The following SLC22A16 variants were observed in gnomAD, a reference collection of about 807,000 sequenced individuals.
The protein encoded by SLC22A16 is solute carrier family 22 member 16, also known as WUGSC:RG331P03.1.
SLC22A16 carries 53 observed loss-of-function variants against 52.9 expected under a neutral mutation model. That is an observed-to-expected ratio of 1.00 (90% CI 0.80 to 1.26). SLC22A16 has a LOEUF of 1.26. Ranked by LOEUF, SLC22A16 falls within the 50% of genes most tolerant of loss-of-function variation. The pLI is 0.00. For missense variants in SLC22A16, 726 were observed against 704.0 expected, an observed-to-expected ratio of 1.03 and a Z score of -0.35; for synonymous variants, 291 against 268.8, an observed-to-expected ratio of 1.08 and a Z score of -0.81.
intron 1 of SLC22A16, 175 bp downstream of exon 1, chr6:110,476,347 G>T: frequency 7.2e-7 from 1 of 1,385,412 alleles, no homozygotes; most frequent in Non-Finnish European, 9.3e-7. Context: ...AGGCCTAGAG[G>T]AGAAGCCCAG....
At chr6:110,426,949 T>A (rs553341699) in intron 7 of SLC22A16, among the ~76,000 whole-genome samples, 35 of 148,974 alleles carry the variant, frequency 2.3e-4, no homozygotes, top group Non-Finnish European at 4.4e-4. Flanking sequence ...AAACTCCGTC[T>A]TAAAAAAAAA....
Position 110,426,524 on chromosome 6 carries a change from C to T in SLC22A16, c.1522-1439G>A, listed in dbSNP as rs551696064. On this transcript the variant is annotated intron_variant, in intron 7 of 7. Transcript: ENST00000368919. ...CTCCTGGAGGGAGGCCAGGCGGATC[C>T]TTTCACACTCTCCAGACCCCACTGC... Among the ~76,000 whole-genome samples the T allele has an allele frequency of 6.6e-5, 10 of 152,204 alleles. No individual in the cohort carries two copies. The South Asian group carries it at 1.9e-3, about 28-fold the overall frequency.
chr6:110,475,666 A>C (rs888416670), intron 1 of SLC22A16, among the ~76,000 whole-genome samples: 15 of 152,176 alleles, frequency 9.9e-5, no homozygotes, highest in African/African-American at 3.4e-4. Flanking sequence ...ATCAGAGGTA[A>C]GTAGCAGGCC....
At chr6:110,435,273 G>T (rs1168229089) in intron 6 of SLC22A16, among the ~76,000 whole-genome samples, 1 of 152,162 alleles carries the variant, frequency 6.6e-6, no homozygotes, top group African/African-American at 2.4e-5. Flanking sequence ...CTGTTAGGGT[G>T]AGGCCGTAAT....
At position 110,435,392 on chromosome 6, in the gene SLC22A16, G is replaced by C. The variant is rs73764913; in HGVS notation, c.1421+460C>G. 2.6e-5 allele frequency among the ~76,000 whole-genome samples: 4 copies of C among 152,132 alleles called. 1 individual carries two copies. The highest frequency in any genetic ancestry group is 4.2e-4 in the South Asian group (2 of 4,818). On this transcript the variant is annotated intron_variant, in intron 6 of 7. Coordinates refer to ENST00000368919, the MANE Select transcript of SLC22A16 (RefSeq NM_033125.4). ...GGGCACCACCTGAAGACCACAGAGC[G>C]AGGCCTCAGGAGAATCCAAACCTGC... is the stretch of plus-strand genomic sequence containing the variant.
chr6:110,475,955 C>G, intron 1 of SLC22A16: 1 of 456,450 alleles, frequency 2.2e-6, no homozygotes, highest in Middle Eastern at 3.3e-4. Context: ...TTGCAGGGTC[C>G]CGGTGAACAT....
chr6:110,475,954 C>G (rs1195460204), intron 1 of SLC22A16: 7 of 456,546 alleles, frequency 1.5e-5, no homozygotes, highest in Non-Finnish European at 3.1e-5. Context: ...TTTGCAGGGT[C>G]CCGGTGAACA....
chr6:110,441,292 A>T (rs1774953708), intron 4 of SLC22A16, among the ~76,000 whole-genome samples: 1 of 152,204 alleles, frequency 6.6e-6, no homozygotes, highest in African/African-American at 2.4e-5. Context: ...AAAGTTGAGC[A>T]AACTTTCCAC....
intron 6 of SLC22A16, among the ~76,000 whole-genome samples, chr6:110,432,638 T>C (rs2114898093): frequency 6.6e-6 from 1 of 152,284 alleles, no homozygotes; most frequent in East Asian, 1.9e-4. Context: ...CTTCCCTGGG[T>C]CAGCCACAAC....
chr6:110,439,948 C>G (rs2114927963), intron 4 of SLC22A16: 1 of 152,112 alleles, frequency 6.6e-6, no homozygotes, highest in African/African-American at 2.4e-5. Context: ...GCCAGATAGC[C>G]AAGGCATATT....
chr6:110,424,940 G>T lies in SLC22A16; in HGVS notation c.1667C>A (p.Thr556Lys). Residue 556 changes from threonine (T) to lysine (K), a missense_variant, in exon 8 of 8, where the codon ACA becomes AAA. By Grantham distance (78) the Thr-to-Lys change is moderately conservative (BLOSUM62 -1). Transcript: ENST00000368919. ...TTTTTCCAGCCCACTATTATTAGTT[G>T]TGAGAAGTAATTTGCTTGACTTGCT... ...NESKSSKLLL[T>K]TNNSGLEKTE... 2 of 1,614,132 alleles carry T rather than the reference G, an allele frequency of 1.2e-6. No homozygotes were observed. Among genetic ancestry groups the T allele is most frequent in the Non-Finnish European group, 1.7e-6 (2 of 1,180,038 alleles).
chr6:110,452,368 C>G (rs191007843), intron 2 of SLC22A16, among the ~76,000 whole-genome samples: 1 of 152,152 alleles, frequency 6.6e-6, no homozygotes, highest in East Asian at 1.9e-4. Context: ...CAAATAATGA[C>G]TTTTTATTTC....
intron 1 of SLC22A16, among the ~76,000 whole-genome samples, chr6:110,462,520 A>G (rs1381052616): frequency 2.6e-5 from 4 of 152,224 alleles, no homozygotes; most frequent in African/African-American, 9.6e-5. Flanking sequence ...GACCAAGCAG[A>G]AAAGATAATT....
chr6:110,474,803 A>G (rs1776401677), intron 1 of SLC22A16: 1 of 418,508 alleles, frequency 2.4e-6, no homozygotes. Flanking sequence ...GTGGGCAGTT[A>G]CTGGAGAGGC....
In SLC22A16 at chr6:110,427,131, C is replaced by G. The variant is rs547158620; in HGVS notation, c.1522-2046G>C. The stretch of plus-strand genomic sequence containing the variant: ...GGTGTGGGGGCACATGCCTGTGGTC[C>G]CAGCTACTTGGGAGGCTGAGGTGGG... On this transcript the variant is annotated intron_variant, in intron 7 of 7. Transcript: ENST00000368919. Among the ~76,000 whole-genome samples the G allele has an allele frequency of 2.4e-3, 357 of 151,000 alleles. 1 individual carries two copies. Among genetic ancestry groups the G allele is most frequent in the African/African-American group, 8.3e-3 (340 of 41,128 alleles).
intron 2 of SLC22A16, chr6:110,453,845 T>C (rs1775477683): frequency 2.6e-6 from 1 of 388,212 alleles, no homozygotes; most frequent in Admixed American, 3.0e-5. Flanking sequence ...ACTGGCTTCT[T>C]GCAAGGGCTT....
At chr6:110,468,111 T>C (rs1776133718) in intron 1 of SLC22A16, among the ~76,000 whole-genome samples, 1 of 152,278 alleles carries the variant, frequency 6.6e-6, no homozygotes, top group South Asian at 2.1e-4. Flanking sequence ...ATTCTATCTA[T>C]GGCATTGGCC....
At chr6:110,426,758 C>A (rs1424674454) in intron 7 of SLC22A16, among the ~76,000 whole-genome samples, 2 of 152,146 alleles carry the variant, frequency 1.3e-5, no homozygotes, top group African/African-American at 2.4e-5. Flanking sequence ...CGAGACCAGC[C>A]TGGCCAACAT....
intron 5 of SLC22A16, among the ~76,000 whole-genome samples, chr6:110,437,803 A>G (rs1774792471): frequency 6.6e-6 from 1 of 152,128 alleles, no homozygotes; most frequent in Non-Finnish European, 1.5e-5. Context: ...TGAGGGACGC[A>G]GTTTGCCAAA....
Sources: gnomAD v4.1 joint callset for allele counts (sites outside exome capture counted in the v4.1 genomes callset) on GRCh38, gnomAD v4.1.1 for gene constraint, MANE v1.5 for transcripts, NCBI Gene and HGNC (gene_info 2026-07-23, HGNC 2026-07-21) for gene names.